Variants in PCDHGA6 observed in about 807,000 individuals in gnomAD.
PCDHGA6 encodes protocadherin gamma-A6.
Under a neutral mutation model 60.6 loss-of-function variants are expected in PCDHGA6, and 41 were observed. That is an observed-to-expected ratio of 0.68 (90% CI 0.53 to 0.88). The LOEUF (loss-of-function observed/expected upper bound fraction) is 0.88. PCDHGA6 is among the 40% of genes least tolerant of loss of function. The pLI, the probability that PCDHGA6 is intolerant of heterozygous loss-of-function variation, is 0.00. For synonymous variants in PCDHGA6, 594 were observed against 524.4 expected (o/e 1.13, Z -1.81); for missense variants, 1,312 against 1,203.0 (o/e 1.09, Z -1.34).
At chr5:141,502,542 A>G (rs2099814957) in intron 2 of PCDHGA6, among the ~76,000 whole-genome samples, 1 of 152,216 alleles carries the variant, frequency 6.6e-6, no homozygotes, top group Admixed American at 6.5e-5. Context: ...TTCGTGTGGT[A>G]AAAACAGTGT....
At chr5:141,433,181 G>T (rs199507607) in intron 1 of PCDHGA6, 45 of 1,607,620 alleles carry the variant, frequency 2.8e-5, no homozygotes, top group Non-Finnish European at 3.4e-5. Context: ...TGGGTTAATT[G>T]AGGTGAGTTT....
At chr5:141,413,270 C>T (rs2095621736) in intron 1 of PCDHGA6, 5 of 1,613,924 alleles carry the variant, frequency 3.1e-6, no homozygotes, top group Non-Finnish European at 4.2e-6. Flanking sequence ...GAGGCTGGAG[C>T]CCGGCAGATC....
chr5:141,405,522 C>T (rs542329840), intron 1 of PCDHGA6: 28 of 682,252 alleles, frequency 4.1e-5, no homozygotes, highest in Admixed American at 8.3e-5. Flanking sequence ...CAAATTCAAG[C>T]GATTCTCCTG....
intron 1 of PCDHGA6, among the ~76,000 whole-genome samples, chr5:141,463,135 C>T (rs1352400365): frequency 6.6e-6 from 1 of 152,246 alleles, no homozygotes; most frequent in Middle Eastern, 3.4e-3. Context: ...GGCAGTTCTT[C>T]GCCCAGCTGC....
At chr5:141,383,729 TGA>T (rs1406908014) in intron 1 of PCDHGA6, 3 of 1,613,866 alleles carry the variant, frequency 1.9e-6, no homozygotes, top group Non-Finnish European at 2.5e-6. Flanking sequence ...AATGGGGAAG[TGA>T]CATATTCTTT....
In PCDHGA6 at chr5:141,376,404, A is replaced by C; in HGVS notation, c.2321A>C (p.Asn774Thr). 1 of 1,614,178 alleles carries C rather than the reference A, an allele frequency of 6.2e-7. No individual in the cohort carries two copies. The highest frequency in any genetic ancestry group is 8.5e-7 in the Non-Finnish European group (1 of 1,180,012). The change falls in exon 1 of 4, where the codon AAC becomes ACC. Residue 774 changes from asparagine to threonine, a missense_variant. Transcript: ENST00000517434. Reference sequence around the variant, plus strand: ...AGTCATCTGATTTTCCCCCAGCCCAACTATGCCGACACGCTTATCAACCAG... The same window carrying C: ...AGTCATCTGATTTTCCCCCAGCCCACCTATGCCGACACGCTTATCAACCAG... ...RKSHLIFPQP[N>T]YADTLINQES...
At chr5:141,386,780 A>C (rs1209529195) in intron 1 of PCDHGA6, among the ~76,000 whole-genome samples, 3 of 152,202 alleles carry the variant, frequency 2.0e-5, no homozygotes. Flanking sequence ...TGTAAAAGAA[A>C]ATCTCCTGAC....
intron 1 of PCDHGA6, chr5:141,405,408 TTTTTTTG>T (rs2094659443): frequency 2.5e-6 from 4 of 1,572,390 alleles, no homozygotes; most frequent in African/African-American, 1.4e-5. Flanking sequence ...CTTTCTTTTC[TTTTTTTG>T]TTTTTTGTTT....
At chr5:141,468,402 T>A (rs2154569909) in intron 1 of PCDHGA6, 1 of 150,014 alleles carries the variant, frequency 6.7e-6, no homozygotes, top group East Asian at 2.0e-4. Context: ...TGGTGAGAAC[T>A]AATAATAAGT....
At chr5:141,388,612 G>T in intron 1 of PCDHGA6, 1 of 1,613,954 alleles carries the variant, frequency 6.2e-7, no homozygotes, top group Non-Finnish European at 8.5e-7. Flanking sequence ...CCAGTGTTCA[G>T]TCAAGACGTA....
rs747437039 is a variant in PCDHGA6 at position 141,413,919 on chromosome 5, G to T, written c.2424+37412G>T. The T allele has an allele frequency of 1.2e-5, 19 of 1,613,284 alleles. 1 individual carries two copies. The highest frequency in any genetic ancestry group is 1.6e-5 in the Non-Finnish European group (19 of 1,179,890). ...ATGACAACGCGCCGGTCTTCACCTT[G>T]CCAGAATACCGAGTGAGTGTTCCTG... On this transcript the variant is annotated intron_variant, in intron 1 of 3. Transcript: ENST00000517434.
In PCDHGA6 at chr5:141,422,867, T is replaced by C. The variant is rs116031289; in HGVS notation, c.2424+46360T>C. On this transcript the variant is annotated intron_variant, in intron 1 of 3. Coordinates refer to ENST00000517434, the MANE Select transcript of PCDHGA6 (RefSeq NM_018919.3). Reference sequence around the variant, plus strand: ...GGGGACCCGCCCCTCAGCAGCAACGTGTCGCTGAGCCTGTTCGTGCTGGAC... The same window carrying C: ...GGGGACCCGCCCCTCAGCAGCAACGCGTCGCTGAGCCTGTTCGTGCTGGAC... 1.5e-3 allele frequency: 2,464 copies of C among 1,614,218 alleles called. 37 individuals are homozygous for C. In the African/African-American group the frequency reaches 0.029, roughly 19 times the overall value.
chr5:141,423,435 G>A (rs2096740494), intron 1 of PCDHGA6: 1 of 1,613,892 alleles, frequency 6.2e-7, no homozygotes, highest in Admixed American at 1.7e-5. Context: ...TGGCAGGTAT[G>A]CCCACGTCAC....
At chr5:141,430,078 T>A (rs911861599) in intron 1 of PCDHGA6, among the ~76,000 whole-genome samples, 2 of 152,282 alleles carry the variant, frequency 1.3e-5, no homozygotes, top group Admixed American at 1.3e-4. Context: ...TTCCATAATA[T>A]CATGAAAATT....
intron 1 of PCDHGA6, chr5:141,400,399 A>G: frequency 6.2e-7 from 1 of 1,614,054 alleles, no homozygotes; most frequent in Non-Finnish European, 8.5e-7. Context: ...TACAGGAAAG[A>G]CGGAGTTTAA....
Position 141,375,981 on chromosome 5 carries a change from T to A in PCDHGA6, c.1898T>A (p.Leu633Gln). Residue 633 changes from leucine (L) to glutamine (Q), a missense_variant, in exon 1 of 4, where the codon CTG becomes CAG. By Grantham distance (113) the Leu-to-Gln change is moderately radical. Transcript: ENST00000517434. ...TGEVRTARAL[L>Q]DRDALKQSLV... is the part of the protein sequence containing the mutation. Reference sequence around the variant, plus strand: ...GAGGTGCGCACGGCGCGCGCCCTGCTGGACAGAGACGCGCTCAAGCAGAGC... The same window carrying A: ...GAGGTGCGCACGGCGCGCGCCCTGCAGGACAGAGACGCGCTCAAGCAGAGC... 6.2e-7 allele frequency: 1 copy of A among 1,613,410 alleles called. No homozygotes were observed. Among genetic ancestry groups the A allele is most frequent in the Non-Finnish European group, 8.5e-7 (1 of 1,179,880 alleles).
intron 1 of PCDHGA6, among the ~76,000 whole-genome samples, chr5:141,445,553 A>T (rs948468877): frequency 1.3e-5 from 2 of 152,252 alleles, no homozygotes; most frequent in Non-Finnish European, 1.5e-5. Context: ...ATACAAAAGC[A>T]CTAAGAGAAA....
intron 1 of PCDHGA6, among the ~76,000 whole-genome samples, chr5:141,446,065 G>T (rs1285093512): frequency 2.0e-5 from 3 of 152,306 alleles, no homozygotes; most frequent in African/African-American, 7.2e-5. Flanking sequence ...GATTAAAGGG[G>T]AGGCAGTGGA....
intron 1 of PCDHGA6, chr5:141,403,720 C>G (rs1266419119): frequency 1.2e-6 from 2 of 1,613,874 alleles, no homozygotes; most frequent in Middle Eastern, 1.6e-4. Context: ...AGAACGTGCC[C>G]CCAGGCACCT....
Sources: gnomAD v4.1 joint callset for allele counts (sites outside exome capture counted in the v4.1 genomes callset) on GRCh38, gnomAD v4.1.1 for gene constraint, MANE v1.5 for transcripts, NCBI Gene and HGNC (gene_info 2026-07-23, HGNC 2026-07-21) for gene names.